FNDC3B: variants seen among roughly 807,000 people sequenced by gnomAD.
The protein encoded by FNDC3B is fibronectin type III domain-containing protein 3B.
Under a neutral mutation model 151.5 loss-of-function variants are expected in FNDC3B, and 12 were observed. That is an observed-to-expected ratio of 0.08 (90% CI 0.05 to 0.13). The LOEUF is 0.13. Among genes scored for constraint, FNDC3B ranks in the 10% least tolerant of loss-of-function variants. The pLI is 1.00. For synonymous variants in FNDC3B, 528 were observed against 549.0 expected, an observed-to-expected ratio of 0.96 and a Z score of 0.54; for missense variants, 1,214 against 1,505.3, an observed-to-expected ratio of 0.81 and a Z score of 3.20.
At chr3:172,133,835 G>A (rs1721232117) in intron 3 of FNDC3B, among the ~76,000 whole-genome samples, 2 of 152,106 alleles carry the variant, frequency 1.3e-5, no homozygotes, top group South Asian at 4.1e-4. Flanking sequence ...CTCACAGGGG[G>A]CTAATGGTAG....
intron 11 of FNDC3B, among the ~76,000 whole-genome samples, chr3:172,315,998 T>G (rs1731765120): frequency 7.4e-6 from 1 of 135,158 alleles, no homozygotes; most frequent in South Asian, 2.5e-4. Flanking sequence ...TTCTTTCTTC[T>G]TCTTTTTTTT....
intron 1 of FNDC3B, among the ~76,000 whole-genome samples, chr3:172,086,384 C>G (rs551694270): frequency 6.6e-6 from 1 of 151,874 alleles, no homozygotes; most frequent in South Asian, 2.1e-4. Context: ...CTCTGCTTCC[C>G]TTTTAATATA....
At chr3:172,091,834 C>T (rs530257135) in intron 1 of FNDC3B, among the ~76,000 whole-genome samples, 27 of 144,530 alleles carry the variant, frequency 1.9e-4, no homozygotes, top group East Asian at 1.7e-3. Context: ...AATTGTGTAG[C>T]TTCTAGTAAT....
At chr3:172,049,590 C>T (rs554417748) in intron 1 of FNDC3B, among the ~76,000 whole-genome samples, 16 of 152,178 alleles carry the variant, frequency 1.1e-4, no homozygotes, top group South Asian at 4.1e-4. Flanking sequence ...TGCAATGGCG[C>T]GATCTCGGCT....
intron 25 of FNDC3B, among the ~76,000 whole-genome samples, chr3:172,386,508 C>T (rs929734322): frequency 4.6e-5 from 7 of 152,078 alleles, no homozygotes; most frequent in South Asian, 2.1e-4. Context: ...TTTGGGAGGC[C>T]AAGATGGGCG....
intron 1 of FNDC3B, among the ~76,000 whole-genome samples, chr3:172,049,410 G>T (rs41494748): frequency 1.3e-5 from 2 of 152,196 alleles, no homozygotes; most frequent in African/African-American, 4.8e-5. Flanking sequence ...TGTTAATATT[G>T]GCAGACCATG....
chr3:172,188,770 C>G (rs1453397324), intron 3 of FNDC3B, among the ~76,000 whole-genome samples: 1 of 152,154 alleles, frequency 6.6e-6, no homozygotes, highest in Non-Finnish European at 1.5e-5. Context: ...ACACACCCTG[C>G]ACATTTCATC....
At chr3:172,273,181 A>G (rs1173159463) in intron 6 of FNDC3B, among the ~76,000 whole-genome samples, 1 of 152,222 alleles carries the variant, frequency 6.6e-6, no homozygotes, top group Non-Finnish European at 1.5e-5. Context: ...ACAGCACAAT[A>G]AGTAGGAAAT....
chr3:172,172,258 C>T lies in FNDC3B; in HGVS notation c.187+38712C>T, dbSNP rs113255479. On this transcript the variant is annotated intron_variant, in intron 3 of 25. Transcript: ENST00000415807. ...TGTTTGTTGCTTGTGGGAAATTTTT[C>T]GTCAAGTGTACCTGTACCTAACCCA... 2.1e-3 allele frequency among the ~76,000 whole-genome samples: 319 copies of T among 152,176 alleles called. 2 individuals are homozygous for T. Among genetic ancestry groups the T allele is most frequent in the African/African-American group, 7.4e-3 (306 of 41,524 alleles).
chr3:172,087,705 A>C (rs1718622589), intron 1 of FNDC3B, among the ~76,000 whole-genome samples: 1 of 152,192 alleles, frequency 6.6e-6, no homozygotes, highest in African/African-American at 2.4e-5. Flanking sequence ...AGGTTGTAAC[A>C]TGCTGGAAAT....
intron 3 of FNDC3B, among the ~76,000 whole-genome samples, chr3:172,184,773 T>C (rs1724086252): frequency 1.3e-5 from 2 of 152,246 alleles, no homozygotes; most frequent in South Asian, 4.1e-4. Context: ...AATTTTCTTT[T>C]GGAATTTTCC....
chr3:172,103,859 G>C (rs575731627), intron 1 of FNDC3B, among the ~76,000 whole-genome samples: 110 of 152,262 alleles, frequency 7.2e-4, no homozygotes, highest in Non-Finnish European at 1.3e-3. Flanking sequence ...GACTGTTTGT[G>C]CCTCAACCAA....
At chr3:172,272,292 T>A (rs914456243) in intron 6 of FNDC3B, among the ~76,000 whole-genome samples, 7 of 152,094 alleles carry the variant, frequency 4.6e-5, no homozygotes, top group Non-Finnish European at 8.8e-5. Context: ...AAAATTTGGG[T>A]ATTGTCTGTG....
At chr3:172,255,262 CT>C (rs939985693) in intron 6 of FNDC3B, among the ~76,000 whole-genome samples, 2 of 152,138 alleles carry the variant, frequency 1.3e-5, no homozygotes, top group Admixed American at 6.5e-5. Context: ...CTGAAAGTTG[CT>C]TCCAGGCTCT....
intron 6 of FNDC3B, among the ~76,000 whole-genome samples, chr3:172,269,428 A>T (rs62281838): frequency 2.0e-5 from 1 of 49,722 alleles, no homozygotes; most frequent in Non-Finnish European, 3.5e-5. Context: ...CTGGCTAATT[A>T]AAAAAAATTT....
intron 1 of FNDC3B, among the ~76,000 whole-genome samples, chr3:172,070,773 C>T (rs560544418): frequency 3.9e-5 from 6 of 152,266 alleles, no homozygotes; most frequent in South Asian, 2.1e-4. Flanking sequence ...TCAATCAGCT[C>T]GTGCCAGTCT....
intron 7 of FNDC3B, among the ~76,000 whole-genome samples, chr3:172,290,561 A>G (rs541098024): frequency 6.6e-6 from 1 of 152,328 alleles, no homozygotes; most frequent in Non-Finnish European, 1.5e-5. Context: ...CAGGATATAA[A>G]TAATGTAACC....
chr3:172,317,836 A>G lies in FNDC3B; in HGVS notation c.1254+6955A>G, dbSNP rs1256104264. Among the ~76,000 whole-genome samples, 2 of 152,246 alleles carry G rather than the reference A, an allele frequency of 1.3e-5. 1 individual carries two copies. The highest frequency in any genetic ancestry group is 4.1e-4 in the South Asian group (2 of 4,832). Reference sequence around the variant, plus strand: ...GGTTTATGTCACTTGTTTGAACTAAATAAAAACTGATGTTAGTGCTATCGA... The same window carrying G: ...GGTTTATGTCACTTGTTTGAACTAAGTAAAAACTGATGTTAGTGCTATCGA... On this transcript the variant is annotated intron_variant, in intron 11 of 25. Coordinates refer to ENST00000415807, the MANE Select transcript of FNDC3B (RefSeq NM_022763.4).
At chr3:172,243,783 CTTAA>C (rs895458801) in intron 4 of FNDC3B, among the ~76,000 whole-genome samples, 2 of 152,144 alleles carry the variant, frequency 1.3e-5, no homozygotes, top group Non-Finnish European at 2.9e-5. Context: ...CTCATTTCAC[CTTAA>C]TTGTCTACTT....
Sources: gnomAD v4.1 joint callset for allele counts (sites outside exome capture counted in the v4.1 genomes callset) on GRCh38, gnomAD v4.1.1 for gene constraint, MANE v1.5 for transcripts, NCBI Gene and HGNC (gene_info 2026-07-23, HGNC 2026-07-21) for gene names.